Variants in ANO7 observed in about 807,000 individuals in gnomAD.
The protein encoded by ANO7 is anoctamin-7.
A neutral mutation model predicts 115.8 loss-of-function variants in ANO7; 114 were observed. The observed-to-expected ratio is 0.98, with a 90% CI of 0.85 to 1.15. ANO7 has a LOEUF of 1.15. ANO7 is among the 50% of genes most tolerant of loss of function. ANO7 has a pLI of 0.00. For synonymous variants in ANO7, 550 were observed against 498.2 expected, an observed-to-expected ratio of 1.10 and a Z score of -1.38; for missense variants, 1,302 against 1,201.2, an observed-to-expected ratio of 1.08 and a Z score of -1.24.
intron 15 of ANO7, 93 bp from the exon 16 acceptor site, chr2:241,212,001 C>T: frequency 1.2e-6 from 1 of 864,548 alleles, no homozygotes; most frequent in Non-Finnish European, 2.0e-6. Context: ...CTTTTCCTCA[C>T]CCGTGTGTGG....
At chr2:241,238,795 G>C in the ANO7 span, 1 of 1,479,264 alleles carries the variant, frequency 6.8e-7, no homozygotes, top group South Asian at 1.4e-5. The surrounding 1 kb of genome is among the most constrained non-coding windows in gnomAD (Gnocchi z 4.9). Flanking sequence ...TTCCTGGAGG[G>C]AGGTACACAA....
At chr2:241,211,330 G>GTCT (rs201495327) in intron 15 of ANO7, among the ~76,000 whole-genome samples, 4 of 66,116 alleles carry the variant, frequency 6.0e-5, no homozygotes, top group African/African-American at 1.0e-4. Context: ...TCTCCCATCG[G>GTCT]TCTTTTTCTC....
intron 3 of ANO7, among the ~76,000 whole-genome samples, chr2:241,192,405 G>C (rs77810022): frequency 0.062 from 9,396 of 152,244 alleles, 678 homozygotes; most frequent in African/African-American, 0.17. Flanking sequence ...GCTGAAGCCC[G>C]AGGTGAGGGT....
chr2:241,202,977 G>A (rs1345437280), intron 8 of ANO7, among the ~76,000 whole-genome samples: 3 of 152,176 alleles, frequency 2.0e-5, no homozygotes, highest in Non-Finnish European at 2.9e-5. Flanking sequence ...GCCAGCCAGG[G>A]CCCAGAATGC....
At chr2:241,230,610 G>T, downstream of ANO7, 1 of 699,376 alleles carries the variant, frequency 1.4e-6, no homozygotes, top group Non-Finnish European at 2.4e-6. The surrounding 1 kb of genome is among the most constrained non-coding windows in gnomAD (Gnocchi z 5.0). Flanking sequence ...GCACTGACCC[G>T]TGGTGTCCAT....
chr2:241,239,079 G>A, the ANO7 span, among the ~76,000 whole-genome samples: 1 of 150,212 alleles, frequency 6.7e-6, no homozygotes, highest in African/African-American at 2.5e-5. The surrounding 1 kb of genome is among the most constrained non-coding windows in gnomAD (Gnocchi z 4.6). Context: ...CTGACTCCAT[G>A]AGGAGGCATC....
At position 241,223,485 on chromosome 2, in the gene ANO7, G is replaced by C. The variant is rs189517847; in HGVS notation, c.2413-177G>C. ...GGACATTGTGGGTGTCTCCACAGGA[G>C]CCCCAGGGCCACGAAAGCTGGGGTG... On this transcript the variant is annotated intron_variant, in intron 22 of 24. Transcript: ENST00000674324. 9 of 1,101,474 alleles carry C rather than the reference G, an allele frequency of 8.2e-6. No homozygotes were observed. In the African/African-American group the frequency reaches 1.4e-4, roughly 17 times the overall value. The allele number at this position is 1,101,474 out of a possible 1,614,324, so 68.2% of individuals were successfully genotyped here. A position where few individuals can be genotyped will look rare whatever the true frequency, so the allele number is the denominator to read the frequency against.
At chr2:241,208,122 C>G (rs746846281) in intron 11 of ANO7, among the ~76,000 whole-genome samples, 2 of 152,224 alleles carry the variant, frequency 1.3e-5, no homozygotes, top group Non-Finnish European at 2.9e-5. Flanking sequence ...TCCACCTTCC[C>G]AGGGGCCTCA....
intron 6 of ANO7, 58 bp from the exon 7 acceptor site, chr2:241,201,238 TGC>T: frequency 6.6e-7 from 1 of 1,520,598 alleles, no homozygotes; most frequent in East Asian, 4.4e-5. Context: ...CCAAACCTTC[TGC>T]ACCGTTCACA....
the ANO7 span, chr2:241,236,533 A>T: frequency 6.9e-7 from 1 of 1,444,416 alleles, no homozygotes; most frequent in African/African-American, 1.4e-5. Context: ...GCAACCGTCC[A>T]TCCCATCCAG....
chr2:241,225,071 A>G lies in ANO7; in HGVS notation c.*918A>G, dbSNP rs921431129. 4 of 152,166 alleles carry G rather than the reference A, an allele frequency of 2.6e-5. No homozygotes were observed. The highest frequency in any genetic ancestry group is 9.7e-5 in the African/African-American group (4 of 41,428). 9.4% of individuals were successfully genotyped at this position (152,166 alleles called of 1,614,324 possible). A position where few individuals can be genotyped will look rare whatever the true frequency, so the allele number is the denominator to read the frequency against. On this transcript the variant is annotated 3_prime_UTR_variant, in exon 25 of 25. Coordinates refer to ENST00000674324, the MANE Select transcript of ANO7 (RefSeq NM_001370694.2). ...CACGCTGGATCATAATGTGACGTGC[A>G]GTTCTGCCCTGTGCTGGGGAGCCAC...
intron 3 of ANO7, among the ~76,000 whole-genome samples, chr2:241,194,856 C>T (rs148211065): frequency 2.0e-5 from 3 of 152,204 alleles, no homozygotes; most frequent in East Asian, 1.9e-4. Context: ...AGGCATCCAC[C>T]GGGTTCTTGG....
intron 10 of ANO7, among the ~76,000 whole-genome samples, 184 bp downstream of exon 10, chr2:241,205,139 G>A (rs760702153): frequency 3.9e-5 from 6 of 152,058 alleles, no homozygotes; most frequent in Non-Finnish European, 7.4e-5. Flanking sequence ...TGGCTGAAAG[G>A]CTGGCAGGTG....
intron 4 of ANO7, 168 bp from the exon 5 acceptor site, chr2:241,199,148 G>T: frequency 3.1e-6 from 2 of 640,636 alleles, no homozygotes; most frequent in African/African-American, 1.8e-5. Context: ...GGCTTTCAGA[G>T]GCGTATCCAT....
At chr2:241,233,808 C>A in the ANO7 span, 7 of 1,613,902 alleles carry the variant, frequency 4.3e-6, no homozygotes, top group African/African-American at 2.7e-5. The surrounding 1 kb of genome is among the most constrained non-coding windows in gnomAD (Gnocchi z 4.3). Flanking sequence ...ACGCTCCAAC[C>A]GAGGCTCTCA....
At chr2:241,220,235 T>C (rs1321648069) in intron 21 of ANO7, among the ~76,000 whole-genome samples, 1 of 152,220 alleles carries the variant, frequency 6.6e-6, no homozygotes, top group Non-Finnish European at 1.5e-5. Flanking sequence ...CATACACATA[T>C]GTATGCATAG....
At chr2:241,229,870 A>G, downstream of ANO7, 2 of 1,440,194 alleles carry the variant, frequency 1.4e-6, no homozygotes, top group African/African-American at 1.5e-5. Flanking sequence ...TGCGTCCCGC[A>G]CCACAAAGCC....
intron 15 of ANO7, among the ~76,000 whole-genome samples, chr2:241,211,487 G>A (rs925780297): frequency 3.9e-5 from 6 of 152,228 alleles, no homozygotes; most frequent in African/African-American, 1.2e-4. Flanking sequence ...TCTAGGAGAG[G>A]GGACAGAACT....
chr2:241,199,566 C>T (rs1477377141), intron 5 of ANO7, 143 bp downstream of exon 5: 3 of 791,294 alleles, frequency 3.8e-6, no homozygotes, highest in Non-Finnish European at 6.1e-6. Context: ...ACACCAGGCC[C>T]CAAGAAACCT....
Sources: gnomAD v4.1 joint callset for allele counts (sites outside exome capture counted in the v4.1 genomes callset) on GRCh38, gnomAD v4.1.1 for gene constraint, Gnocchi (gnomAD v3.1) non-coding constraint, MANE v1.5 for transcripts, NCBI Gene and HGNC (gene_info 2026-07-23, HGNC 2026-07-21) for gene names.